The following AK7 variants were observed in gnomAD, a reference collection of about 807,000 sequenced individuals.
AK7 encodes the protein adenylate kinase 7, also known as ATP-AMP transphosphorylase 7.
In AK7, 78 loss-of-function variants were observed where a neutral mutation model predicts 96.6. The observed-to-expected ratio is 0.81, with a 90% CI of 0.67 to 0.97. The LOEUF is 0.97. AK7 is among the 50% of genes least tolerant of loss of function. AK7 has a pLI of 0.00. For missense variants in AK7, 855 were observed against 887.9 expected (o/e 0.96, Z 0.47); for synonymous variants, 302 against 317.2 (o/e 0.95, Z 0.51).
intron 5 of AK7, among the ~76,000 whole-genome samples, chr14:96,423,048 A>C (rs1242219586): frequency 2.0e-5 from 3 of 152,212 alleles, no homozygotes; most frequent in Non-Finnish European, 4.4e-5. Flanking sequence ...ACAGACACAG[A>C]TGTAGGGATT....
At chr14:96,414,637 C>T (rs926721932) in intron 4 of AK7, among the ~76,000 whole-genome samples, 50 of 152,156 alleles carry the variant, frequency 3.3e-4, no homozygotes, top group African/African-American at 1.2e-3. Flanking sequence ...CAGTGCAGGG[C>T]CTGGGGAAGG....
chr14:96,441,885 G>T (rs902988006), intron 6 of AK7, among the ~76,000 whole-genome samples: 4 of 151,334 alleles, frequency 2.6e-5, no homozygotes, highest in Non-Finnish European at 5.9e-5. Flanking sequence ...ACCCTATTTC[G>T]CCTGCACACC....
intron 7 of AK7, among the ~76,000 whole-genome samples, chr14:96,446,171 T>A (rs1159467324): frequency 6.6e-6 from 1 of 152,066 alleles, no homozygotes; most frequent in African/African-American, 2.4e-5. Flanking sequence ...TAAACTGGGG[T>A]CCTGCTGGGG....
intron 12 of AK7, among the ~76,000 whole-genome samples, chr14:96,459,329 C>CTCCA (rs1407328655): frequency 6.6e-6 from 1 of 151,490 alleles, no homozygotes. Context: ...CAGAGCAAGA[C>CTCCA]TCCATCTCAA....
intron 7 of AK7, among the ~76,000 whole-genome samples, chr14:96,443,753 T>TA (rs1192568127): frequency 1.4e-5 from 2 of 147,638 alleles, no homozygotes; most frequent in African/African-American, 2.5e-5. Context: ...TGATGAGCTT[T>TA]AAAAAAAATA....
chr14:96,467,873 C>T (rs1232726582), intron 12 of AK7, among the ~76,000 whole-genome samples: 3 of 151,986 alleles, frequency 2.0e-5, no homozygotes, highest in Non-Finnish European at 4.4e-5. Context: ...TTCTGAGGTA[C>T]ATTTATTTAC....
intron 14 of AK7, among the ~76,000 whole-genome samples, chr14:96,476,344 A>G (rs1392785829): frequency 6.6e-6 from 1 of 152,104 alleles, no homozygotes; most frequent in African/African-American, 2.4e-5. Context: ...CATCTCTACT[A>G]AAAATATAAA....
intron 5 of AK7, among the ~76,000 whole-genome samples, chr14:96,422,136 AG>A (rs1891740712): frequency 6.6e-6 from 1 of 152,210 alleles, no homozygotes; most frequent in African/African-American, 2.4e-5. Flanking sequence ...TGAGGGATTT[AG>A]GGTCATTTGA....
intron 1 of AK7, among the ~76,000 whole-genome samples, 160 bp downstream of exon 1, chr14:96,392,419 C>T (rs555344364): frequency 6.6e-6 from 1 of 152,304 alleles, no homozygotes; most frequent in South Asian, 2.1e-4. Flanking sequence ...CCCCCTGGAC[C>T]CCAGTCCGCA....
intron 14 of AK7, among the ~76,000 whole-genome samples, chr14:96,473,797 T>C (rs1260683251): frequency 6.6e-6 from 1 of 152,202 alleles, no homozygotes; most frequent in African/African-American, 2.4e-5. Flanking sequence ...CCTCCTTCCC[T>C]GCCCTGGTTT....
intron 12 of AK7, among the ~76,000 whole-genome samples, chr14:96,462,076 G>A (rs1474655746): frequency 6.6e-6 from 1 of 152,116 alleles, no homozygotes; most frequent in East Asian, 1.9e-4. Flanking sequence ...AGGCTCCAGA[G>A]GGCCTGTCCT....
chr14:96,428,178 T>C (rs1300659320), intron 5 of AK7, among the ~76,000 whole-genome samples: 1 of 151,974 alleles, frequency 6.6e-6, no homozygotes, highest in African/African-American at 2.4e-5. Flanking sequence ...GTGTTCTCAT[T>C]GTTCAATTCC....
intron 2 of AK7, among the ~76,000 whole-genome samples, chr14:96,403,924 C>A (rs1193151262): frequency 6.6e-6 from 1 of 151,900 alleles, no homozygotes; most frequent in Non-Finnish European, 1.5e-5. Context: ...GTGGGCAGAT[C>A]ACCAGAGGTC....
Position 96,478,573 on chromosome 14 carries a change from G to A in AK7, c.1664G>A (p.Arg555Gln), listed in dbSNP as rs768929397. 8.7e-6 allele frequency: 14 copies of A among 1,614,136 alleles called. No homozygotes were observed. Among genetic ancestry groups the A allele is most frequent in the Middle Eastern group, 1.6e-4 (1 of 6,062 alleles). Reference protein sequence around the residue: ...GTHYSQDRFLRALSNYRDINI... With the variant: ...GTHYSQDRFLQALSNYRDINI... ...CACTACAGCCAAGACCGATTCCTCC[G>A]GGCTCTGAGCAACTACCGGGACATC... The change falls in exon 15 of 18, where the codon CGG (arginine) becomes CAG (glutamine). Residue 555 changes from arginine (R) to glutamine (Q), a missense_variant. Arg to Gln is a conservative substitution (Grantham distance 43). Coordinates refer to ENST00000267584, the MANE Select transcript of AK7 (RefSeq NM_152327.5).
chr14:96,409,418 A>G (rs1266176965), intron 4 of AK7, among the ~76,000 whole-genome samples: 5 of 152,102 alleles, frequency 3.3e-5, no homozygotes, highest in Non-Finnish European at 4.4e-5. Flanking sequence ...CTAAAAATAC[A>G]AAAATTACCT....
rs1443784741 is a variant in AK7 at position 96,456,476 on chromosome 14, G to A, written c.1227+1G>A. On this transcript the variant is annotated splice_donor_variant, in intron 11 of 17. Transcript: ENST00000267584. LOFTEE classifies it high-confidence loss of function. ...CATTTCTGAAGCCATAGCAAAACTG[G>A]TAACACTTTAAACTATTTTCCTGGG... 1 of 1,612,972 alleles carries A rather than the reference G, an allele frequency of 6.2e-7. No individual in the cohort carries two copies. The highest frequency in any genetic ancestry group is 1.3e-5 in the African/African-American group (1 of 74,894).
At chr14:96,403,441 TGCAGTTTGTG>T (rs1890531780) in intron 2 of AK7, among the ~76,000 whole-genome samples, 2 of 152,186 alleles carry the variant, frequency 1.3e-5, no homozygotes, top group Non-Finnish European at 2.9e-5. Context: ...GTTCAAGCCA[TGCAGTTTGTG>T]GCAGTTTGTT....
chr14:96,413,268 TG>T (rs1399723237), intron 4 of AK7, among the ~76,000 whole-genome samples: 1 of 152,220 alleles, frequency 6.6e-6, no homozygotes, highest in Non-Finnish European at 1.5e-5. Flanking sequence ...TTCTGTCTGT[TG>T]GTTGCTTCCC....
At chr14:96,439,027 G>A (rs1017539443) in intron 6 of AK7, among the ~76,000 whole-genome samples, 1 of 152,224 alleles carries the variant, frequency 6.6e-6, no homozygotes, top group Non-Finnish European at 1.5e-5. Flanking sequence ...ACAGGGAATG[G>A]AGCTGGTTGG....
Sources: allele counts gnomAD v4.1 joint callset (sites outside exome capture counted in the v4.1 genomes callset), GRCh38; gene constraint gnomAD v4.1.1; transcripts MANE v1.5; gene names NCBI Gene and HGNC (gene_info 2026-07-23, HGNC 2026-07-21).